GOLGA1: variants seen among roughly 807,000 people sequenced by gnomAD.
The protein encoded by GOLGA1 is golgin subfamily A member 1.
Under a neutral mutation model 119.7 loss-of-function variants are expected in GOLGA1, and 63 were observed. The ratio of observed to expected loss-of-function variants is 0.53; its 90% CI spans 0.43 to 0.65. The LOEUF (loss-of-function observed/expected upper bound fraction) is 0.65, where lower values mean the gene tolerates loss of function less well. GOLGA1 is among the 30% of genes least tolerant of loss of function. GOLGA1 has a pLI of 0.00. For missense variants in GOLGA1, 798 were observed against 912.8 expected (o/e 0.87, Z 1.62); for synonymous variants, 318 against 333.4 (o/e 0.95, Z 0.50).
intron 7 of GOLGA1, 36 bp downstream of exon 7, chr9:124,926,673 C>T: frequency 7.0e-7 from 1 of 1,434,510 alleles, no homozygotes; most frequent in South Asian, 1.1e-5. Flanking sequence ...AGAGACGAGA[C>T]CAACAAAAAT....
At chr9:124,925,305 C>T (rs547471412) in intron 7 of GOLGA1, among the ~76,000 whole-genome samples, 12 of 151,352 alleles carry the variant, frequency 7.9e-5, no homozygotes, top group African/African-American at 2.9e-4. Context: ...AAACCTTAAC[C>T]CAACCCATAT....
chr9:124,947,233 T>C (rs1427315295), intron 1 of GOLGA1: 1 of 152,188 alleles, frequency 6.6e-6, no homozygotes, highest in African/African-American at 2.4e-5. Context: ...CATAATTTAC[T>C]ACTCAGTAAT....
chr9:124,926,867 T>A, intron 6 of GOLGA1, 126 bp from the exon 7 acceptor site: 1 of 567,986 alleles, frequency 1.8e-6, no homozygotes. Context: ...AAAAAGCCAA[T>A]TAAAAAAAAA....
At chr9:124,894,380 T>TTG (rs35289660) in intron 15 of GOLGA1, among the ~76,000 whole-genome samples, 6,306 of 147,772 alleles carry the variant, frequency 0.043, 177 homozygotes, top group African/African-American at 0.076. Flanking sequence ...ATTTAAAGTT[T>TTG]TGTGTGTGTG....
rs1033075581 is a variant in GOLGA1 at position 124,928,101 on chromosome 9, T to C, written c.399+87A>G. On this transcript the variant is annotated intron_variant, in intron 6 of 22. Transcript: ENST00000373555. ...TTCTCTTCTCCTAGGCTATAAATAT[T>C]TTCTATAGGTTATGTCATGATTTTT... 12 of 585,606 alleles carry C rather than the reference T, an allele frequency of 2.0e-5. No homozygotes were observed. In the African/African-American group the frequency reaches 2.1e-4, roughly 10 times the overall value. The allele number at this position is 585,606 out of a possible 1,614,324, so 36.3% of individuals were successfully genotyped here. A position where few individuals can be genotyped will look rare whatever the true frequency, so the allele number is the denominator to read the frequency against.
In GOLGA1 at chr9:124,889,426, C is replaced by A; in HGVS notation, c.1600+8G>T. The stretch of plus-strand genomic sequence containing the variant: ...GAGAGAAGGCTCAGCCAGGGACCGA[C>A]TCCTCACCTCGCTCCAGCTGGAGAA... On this transcript the variant is annotated splice_region_variant and intron_variant, in intron 17 of 22. Coordinates refer to ENST00000373555, the MANE Select transcript of GOLGA1 (RefSeq NM_002077.4). 6.2e-7 allele frequency: 1 copy of A among 1,604,926 alleles called. No individual in the cohort carries two copies. The highest frequency in any genetic ancestry group is 8.5e-7 in the Non-Finnish European group (1 of 1,171,428).
intron 12 of GOLGA1, among the ~76,000 whole-genome samples, chr9:124,903,067 T>C (rs1163563084): frequency 6.6e-6 from 1 of 152,164 alleles, no homozygotes; most frequent in African/African-American, 2.4e-5. Context: ...ACCCTGCAAT[T>C]TTATTCCTAG....
intron 11 of GOLGA1, among the ~76,000 whole-genome samples, chr9:124,910,850 T>C (rs540065301): frequency 6.6e-6 from 1 of 152,204 alleles, no homozygotes. Context: ...GATGATGATC[T>C]GAGGTGGAAC....
chr9:124,893,336 A>C (rs529262552), intron 15 of GOLGA1, among the ~76,000 whole-genome samples: 1 of 152,360 alleles, frequency 6.6e-6, no homozygotes, highest in East Asian at 1.9e-4. Flanking sequence ...TAATAATAGA[A>C]CTATTCCACA....
upstream of GOLGA1, chr9:124,941,159 C>G (rs1464176557): frequency 1.3e-5 from 2 of 152,316 alleles, no homozygotes; most frequent in South Asian, 4.1e-4. Context: ...TGCGCCCGTG[C>G]GCGGCCTTGG....
At chr9:124,903,531 G>C (rs907685628) in intron 12 of GOLGA1, among the ~76,000 whole-genome samples, 4 of 151,652 alleles carry the variant, frequency 2.6e-5, no homozygotes, top group African/African-American at 7.3e-5. Flanking sequence ...ACAGAACGGG[G>C]GCTCGTGCCT....
chr9:124,885,021 C>A (rs1038293032), intron 19 of GOLGA1, among the ~76,000 whole-genome samples: 1 of 152,090 alleles, frequency 6.6e-6, no homozygotes, highest in Non-Finnish European at 1.5e-5. Flanking sequence ...ATGGCAAAAC[C>A]CCGTCTCTAC....
Position 124,880,396 on chromosome 9 carries a change from T to G in GOLGA1, c.*134A>C, listed in dbSNP as rs1328374028. On this transcript the variant is annotated 3_prime_UTR_variant, in exon 23 of 23. Coordinates refer to ENST00000373555, the MANE Select transcript of GOLGA1 (RefSeq NM_002077.4). ...GCCTGCAGGGAAGTGGGCCTTAGTC[T>G]TGTAAACAATGTTTAGACACTTGTA... is the stretch of plus-strand genomic sequence containing the variant. 4 of 633,756 alleles carry G rather than the reference T, an allele frequency of 6.3e-6. No individual in the cohort carries two copies. The highest frequency in any genetic ancestry group is 1.2e-5 in the Non-Finnish European group (4 of 335,028). 39.3% of individuals were successfully genotyped at this position (633,756 alleles called of 1,614,324 possible).
intron 1 of GOLGA1, chr9:124,947,410 T>C (rs1831162777): frequency 6.6e-6 from 1 of 152,204 alleles, no homozygotes; most frequent in Non-Finnish European, 1.5e-5. Context: ...TCTAGCTTTC[T>C]GTTAAGATCT....
At chr9:124,935,741 C>T (rs139637064) in intron 3 of GOLGA1, among the ~76,000 whole-genome samples, 24 of 137,086 alleles carry the variant, frequency 1.8e-4, no homozygotes, top group African/African-American at 5.3e-4. Context: ...CCAGCCTGGG[C>T]GACACAGCAA....
At chr9:124,892,346 C>G (rs530580433) in intron 15 of GOLGA1, among the ~76,000 whole-genome samples, 1 of 152,248 alleles carries the variant, frequency 6.6e-6, no homozygotes, top group African/African-American at 2.4e-5. Context: ...TTTTGAGATG[C>G]ATACATGGCT....
At chr9:124,906,151 G>A (rs918361690) in intron 12 of GOLGA1, among the ~76,000 whole-genome samples, 1 of 96,748 alleles carries the variant, frequency 1.0e-5, no homozygotes, top group African/African-American at 3.4e-5. Flanking sequence ...AAATAAATAA[G>A]GGCCTGGCGC....
intron 19 of GOLGA1, among the ~76,000 whole-genome samples, chr9:124,886,888 C>G (rs1049474026): frequency 2.0e-5 from 3 of 151,790 alleles, no homozygotes; most frequent in Non-Finnish European, 4.4e-5. Flanking sequence ...CGTGAAGGCC[C>G]ACGGATGAGG....
intron 15 of GOLGA1, 30 bp from the exon 16 acceptor site, chr9:124,890,508 A>C (rs776017837): frequency 8.7e-5 from 134 of 1,534,910 alleles, no homozygotes; most frequent in Non-Finnish European, 1.1e-4. Context: ...TGAGCCCCAA[A>C]ACTTAGTTCA....
Sources: gnomAD v4.1 joint callset for allele counts (sites outside exome capture counted in the v4.1 genomes callset) on GRCh38, gnomAD v4.1.1 for gene constraint, MANE v1.5 for transcripts, NCBI Gene and HGNC (gene_info 2026-07-23, HGNC 2026-07-21) for gene names.